ADIPOR2: variants seen among roughly 807,000 people sequenced by gnomAD.
The protein encoded by ADIPOR2 is adiponectin receptor 2, also known as adiponectin receptor protein 2.
ADIPOR2 carries 18 observed loss-of-function variants against 40.9 expected under a neutral mutation model. The ratio of observed to expected loss-of-function variants is 0.44; its 90% CI spans 0.30 to 0.65. ADIPOR2 has a LOEUF of 0.65. Ranked by LOEUF, ADIPOR2 falls within the 30% of genes least tolerant of loss-of-function variation. The probability of loss-of-function intolerance (pLI) is 0.09; values close to 1 mark genes in which losing one functional copy is unlikely to be tolerated. For missense variants in ADIPOR2, 283 were observed against 479.2 expected (o/e 0.59, Z 3.82); for synonymous variants, 165 against 166.4 (o/e 0.99, Z 0.06).
chr12:1,754,204 A>G (rs1255394606), intron 1 of ADIPOR2, 54 bp from the exon 2 acceptor site: 3 of 703,178 alleles, frequency 4.3e-6, no homozygotes, highest in South Asian at 3.9e-5. Flanking sequence ...AATATAACTG[A>G]TATTTTCCCC....
At chr12:1,779,492 G>A (rs1046898970) in intron 4 of ADIPOR2, among the ~76,000 whole-genome samples, 7 of 152,188 alleles carry the variant, frequency 4.6e-5, no homozygotes, top group African/African-American at 1.7e-4. Context: ...CAGTAGATTA[G>A]TGGTTGTTTA....
At chr12:1,763,945 C>T (rs1223938890) in intron 2 of ADIPOR2, among the ~76,000 whole-genome samples, 5 of 152,146 alleles carry the variant, frequency 3.3e-5, no homozygotes, top group Non-Finnish European at 7.3e-5. Context: ...TGCCACTGCA[C>T]TCCAGCCTTG....
chr12:1,737,994 CAG>C (rs1449503350), intron 1 of ADIPOR2, among the ~76,000 whole-genome samples: 1 of 152,032 alleles, frequency 6.6e-6, no homozygotes, highest in Non-Finnish European at 1.5e-5. Context: ...CATACTAAGG[CAG>C]GGGTGGGAAT....
At chr12:1,748,573 C>T (rs1592608868) in intron 1 of ADIPOR2, among the ~76,000 whole-genome samples, 1 of 152,004 alleles carries the variant, frequency 6.6e-6, no homozygotes, top group African/African-American at 2.4e-5. Flanking sequence ...AGTCTATGAT[C>T]CATTTTGAGT....
chr12:1,761,196 C>G (rs1181702681), intron 2 of ADIPOR2, among the ~76,000 whole-genome samples: 8 of 152,134 alleles, frequency 5.3e-5, no homozygotes, highest in African/African-American at 1.4e-4. Flanking sequence ...CAGGCATCCA[C>G]TAGGGGTCTT....
At chr12:1,773,225 A>G (rs1187578687) in intron 3 of ADIPOR2, among the ~76,000 whole-genome samples, 2 of 152,188 alleles carry the variant, frequency 1.3e-5, no homozygotes, top group African/African-American at 4.8e-5. Context: ...TAACAGAGTA[A>G]ATGTCTTATT....
intron 2 of ADIPOR2, among the ~76,000 whole-genome samples, chr12:1,759,488 T>G (rs1468689536): frequency 2.0e-5 from 3 of 152,182 alleles, no homozygotes; most frequent in Non-Finnish European, 2.9e-5. Flanking sequence ...AATTCTGAAT[T>G]TATAAAGTAA....
Position 1,774,737 on chromosome 12 carries a change from G to A in ADIPOR2, c.291+1776G>A, listed in dbSNP as rs142552852. On this transcript the variant is annotated intron_variant, in intron 3 of 7. Coordinates refer to ENST00000357103, the MANE Select transcript of ADIPOR2 (RefSeq NM_024551.3). ...TGAAATTTATTTATTGTTGAGTCTCGCTCTGTCGCTAGGCTGGAGTGCAGT... is the reference window on the plus strand; with the variant it reads ...TGAAATTTATTTATTGTTGAGTCTCACTCTGTCGCTAGGCTGGAGTGCAGT... Among the ~76,000 whole-genome samples the A allele has an allele frequency of 2.0e-4, 31 of 152,276 alleles. No homozygotes were observed. In the East Asian group the frequency reaches 4.3e-3, roughly 21 times the overall value.
intron 4 of ADIPOR2, 136 bp downstream of exon 4, chr12:1,778,161 T>A (rs1862638019): frequency 9.6e-7 from 1 of 1,038,058 alleles, no homozygotes; most frequent in African/African-American, 1.7e-5. Context: ...TAATGATGAA[T>A]TTTCTGACTG....
intron 2 of ADIPOR2, among the ~76,000 whole-genome samples, chr12:1,767,730 T>C (rs753301093): frequency 2.6e-5 from 4 of 152,170 alleles, no homozygotes; most frequent in Non-Finnish European, 4.4e-5. Context: ...AAAGAAAGTA[T>C]TGGATATGGA....
chr12:1,709,599 A>G (rs1038992896), intron 1 of ADIPOR2, among the ~76,000 whole-genome samples: 1 of 152,180 alleles, frequency 6.6e-6, no homozygotes, highest in African/African-American at 2.4e-5. Flanking sequence ...TGAATTTGTA[A>G]CGTAGAAGTA....
intron 1 of ADIPOR2, among the ~76,000 whole-genome samples, chr12:1,714,346 A>G: frequency 6.6e-6 from 1 of 152,044 alleles, no homozygotes; most frequent in East Asian, 1.9e-4. Context: ...GCCAGGTTTA[A>G]TAATGCGTCC....
chr12:1,770,079 T>C (rs1862465429), intron 2 of ADIPOR2, among the ~76,000 whole-genome samples: 1 of 151,510 alleles, frequency 6.6e-6, no homozygotes, highest in Non-Finnish European at 1.5e-5. Context: ...GCAACACCAC[T>C]CCTGGCTAAT....
rs1862695132 is a variant in ADIPOR2, at chr12:1,780,598, T to A, written c.611T>A (p.Val204Asp). The change falls in exon 5 of 8, where the codon GTC becomes GAC. Residue 204 changes from valine to aspartate, a missense_variant. Coordinates refer to ENST00000357103, the MANE Select transcript of ADIPOR2 (RefSeq NM_024551.3). ...CLSFSWLFHT[V>D]YCHSEGVSRL... ...TCTTTTTCATGGCTCTTCCACACAG[T>A]CTACTGCCACTCAGAGGGGGTCTCT... 6.2e-7 allele frequency: 1 copy of A among 1,609,336 alleles called. No homozygotes were observed. Among genetic ancestry groups the A allele is most frequent in the African/African-American group, 1.3e-5 (1 of 74,524 alleles).
At chr12:1,694,266 C>T (rs1445877164) in intron 1 of ADIPOR2, among the ~76,000 whole-genome samples, 1 of 152,180 alleles carries the variant, frequency 6.6e-6, no homozygotes, top group Non-Finnish European at 1.5e-5. Flanking sequence ...TGCTACAGAG[C>T]CTCTACTTAC....
intron 1 of ADIPOR2, among the ~76,000 whole-genome samples, chr12:1,750,403 TAAA>T (rs35910957): frequency 3.0e-5 from 4 of 135,380 alleles, no homozygotes; most frequent in Admixed American, 7.3e-5. Context: ...TACAAGAAAT[TAAA>T]AAAAAAAAAA....
rs11061942 is a variant in ADIPOR2, at chr12:1,714,980, C to A, written c.-87+23789C>A. Among the ~76,000 whole-genome samples, 396 of 152,068 alleles carry A rather than the reference C, an allele frequency of 2.6e-3. 1 individual carries two copies. The highest frequency in any genetic ancestry group is 5.0e-3 in the South Asian group (24 of 4,818). On this transcript the variant is annotated intron_variant, in intron 1 of 7. Transcript: ENST00000357103. ...GAAGGGGACATGTACCTGGGTTGGG[C>A]CAAATTCCCCTCCCCCTACAGCTTG...
At chr12:1,722,189 G>A (rs11612383) in intron 1 of ADIPOR2, among the ~76,000 whole-genome samples, 50,263 of 151,944 alleles carry the variant, frequency 0.33, 8,530 homozygotes, top group East Asian at 0.56. Flanking sequence ...AGAAAAATAG[G>A]TTGATTTGGG....
At chr12:1,725,210 C>T (rs1379528275) in intron 1 of ADIPOR2, among the ~76,000 whole-genome samples, 2 of 151,976 alleles carry the variant, frequency 1.3e-5, no homozygotes, top group South Asian at 2.1e-4. Context: ...CAGCCTCCGC[C>T]TCCTGGGTTC....
Sources: allele counts gnomAD v4.1 joint callset (sites outside exome capture counted in the v4.1 genomes callset), GRCh38; gene constraint gnomAD v4.1.1; transcripts MANE v1.5; gene names NCBI Gene and HGNC (gene_info 2026-07-23, HGNC 2026-07-21).